ANK3: variants seen among roughly 807,000 people sequenced by gnomAD.
ANK3 encodes the protein ankyrin 3.
Under a neutral mutation model 370.9 loss-of-function variants are expected in ANK3, and 57 were observed. That is an observed-to-expected ratio of 0.15 (90% CI 0.12 to 0.19). ANK3 has a LOEUF of 0.19. Among genes scored for constraint, ANK3 ranks in the 10% least tolerant of loss-of-function variants. ANK3 has a pLI of 1.00. For missense variants in ANK3, 4,439 were observed against 5,302.1 expected, an observed-to-expected ratio of 0.84 and a Z score of 5.06; for synonymous variants, 1,929 against 1,946.3, an observed-to-expected ratio of 0.99 and a Z score of 0.23.
chr10:60,249,227 T>C (rs764803264), intron 7 of ANK3, among the ~76,000 whole-genome samples: 4 of 152,238 alleles, frequency 2.6e-5, no homozygotes, highest in Non-Finnish European at 5.9e-5. Flanking sequence ...TTACTTACTC[T>C]ACTTTGAGGA....
intron 18 of ANK3, among the ~76,000 whole-genome samples, chr10:60,179,823 T>C (rs1484318981): frequency 6.6e-6 from 1 of 152,164 alleles, no homozygotes; most frequent in Non-Finnish European, 1.5e-5. Context: ...CAGTACTTGT[T>C]TCTCTCCTCC....
intron 8 of ANK3, among the ~76,000 whole-genome samples, chr10:60,224,688 C>T (rs1192037812): frequency 6.6e-6 from 1 of 151,986 alleles, no homozygotes; most frequent in Non-Finnish European, 1.5e-5. Context: ...TAAATACAAA[C>T]TCCTCACTCT....
intron 1 of ANK3, among the ~76,000 whole-genome samples, chr10:60,710,244 A>G (rs1051951261): frequency 6.6e-6 from 1 of 152,194 alleles, no homozygotes; most frequent in Non-Finnish European, 1.5e-5. Flanking sequence ...TTAAACAGAT[A>G]CTCAACACTT....
chr10:60,284,561 T>A (rs1485119809), intron 1 of ANK3, among the ~76,000 whole-genome samples: 1 of 152,074 alleles, frequency 6.6e-6, no homozygotes, highest in Non-Finnish European at 1.5e-5. Flanking sequence ...CAAATGAGAA[T>A]TCTTAGCTCA....
intron 25 of ANK3, among the ~76,000 whole-genome samples, chr10:60,132,403 C>T (rs2094127816): frequency 6.6e-6 from 1 of 152,084 alleles, no homozygotes. Context: ...ATAAGTCTCA[C>T]AAGATCTGAT....
chr10:60,451,668 G>A (rs2064606098), intron 2 of ANK3, among the ~76,000 whole-genome samples: 1 of 152,202 alleles, frequency 6.6e-6, no homozygotes, highest in African/African-American at 2.4e-5. Context: ...AAAGAACCCA[G>A]ACCAGGGCAG....
intron 2 of ANK3, among the ~76,000 whole-genome samples, chr10:60,421,246 G>C (rs1312850475): frequency 6.6e-6 from 1 of 152,082 alleles, no homozygotes; most frequent in Non-Finnish European, 1.5e-5. Flanking sequence ...TTTGGAGATA[G>C]ATAGTAGGGA....
At position 60,073,805 on chromosome 10, in the gene ANK3, T is replaced by G. The variant is rs958966819; in HGVS notation, c.7076A>C (p.Tyr2359Ser). 6.2e-7 allele frequency: 1 copy of G among 1,613,474 alleles called. No homozygotes were observed. Among genetic ancestry groups the G allele is most frequent in the Non-Finnish European group, 8.5e-7 (1 of 1,180,000 alleles). ...ETKKHPEKEMYVYQKDLSRGD... is the reference protein window; with the variant it reads ...ETKKHPEKEMSVYQKDLSRGD... ...CCGGGATAAGTCTTTCTGATATACA[T>G]ACATTTCTTTTTCTGGATGCTTTTT... The change falls in exon 37 of 44, where the codon TAT (tyrosine) becomes TCT (serine). Residue 2359 changes from tyrosine (Y) to serine (S), a missense_variant. Physicochemically the swap from Tyr to Ser is moderately radical, Grantham distance 144 (BLOSUM62 -2). Coordinates refer to ENST00000280772, the MANE Select transcript of ANK3 (RefSeq NM_020987.5).
rs946277932 is a variant in ANK3 at position 60,029,708 on chromosome 10, A to C, written c.*138T>G. ...TCTTTTCTTTTCTTTTTGCATAAAA[A>C]AAATCATGCCATTAATGTGTGGAAG... is the stretch of plus-strand genomic sequence containing the variant. On this transcript the variant is annotated 3_prime_UTR_variant, in exon 44 of 44. Coordinates refer to ENST00000280772, the MANE Select transcript of ANK3 (RefSeq NM_020987.5). 6.6e-6 allele frequency: 1 copy of C among 152,256 alleles called. No homozygotes were observed. Among genetic ancestry groups the C allele is most frequent in the African/African-American group, 2.4e-5 (1 of 41,304 alleles). The allele number at this position is 152,256 out of a possible 1,614,324, so 9.4% of individuals were successfully genotyped here.
Position 60,500,560 on chromosome 10 carries a change from A to G in ANK3, c.96+114626T>C, listed in dbSNP as rs555067748. 1.8e-4 allele frequency among the ~76,000 whole-genome samples: 28 copies of G among 152,292 alleles called. No homozygotes were observed. The South Asian group carries it at 3.9e-3, about 21-fold the overall frequency. Reference sequence around the variant, plus strand: ...ACAGTAAGTGCAGATACTCTAAAATAACAGTTGAAAATACAGTGAGGTTTT... The same window carrying G: ...ACAGTAAGTGCAGATACTCTAAAATGACAGTTGAAAATACAGTGAGGTTTT... On this transcript the variant is annotated intron_variant, in intron 2 of 43. Transcript: ENST00000373827.
chr10:60,523,569 A>G (rs944466162), intron 2 of ANK3, among the ~76,000 whole-genome samples: 4 of 151,458 alleles, frequency 2.6e-5, no homozygotes, highest in Non-Finnish European at 4.4e-5. Context: ...AAGGACATGA[A>G]CTCATCATTT....
chr10:60,553,591 A>G (rs79479106), intron 2 of ANK3, among the ~76,000 whole-genome samples: 12,499 of 152,132 alleles, frequency 0.082, 706 homozygotes, highest in South Asian at 0.2. Flanking sequence ...CTATTACTCA[A>G]AATTATCTCT....
At chr10:60,526,549 G>A (rs1014826039) in intron 2 of ANK3, among the ~76,000 whole-genome samples, 4 of 152,098 alleles carry the variant, frequency 2.6e-5, no homozygotes, top group African/African-American at 4.8e-5. Flanking sequence ...AGTGTAATAC[G>A]CTTACCCATC....
intron 23 of ANK3, chr10:60,141,094 C>G (rs746258285): frequency 5.1e-5 from 47 of 916,796 alleles, no homozygotes; most frequent in Non-Finnish European, 6.0e-5. Flanking sequence ...AGGGCCTGCC[C>G]TTGAGTTGAG....
intron 1 of ANK3, among the ~76,000 whole-genome samples, chr10:60,670,182 C>T (rs368592226): frequency 1.3e-5 from 2 of 152,106 alleles, no homozygotes; most frequent in African/African-American, 4.8e-5. Flanking sequence ...TGACCTCCCC[C>T]CAAACAACTG....
intron 2 of ANK3, among the ~76,000 whole-genome samples, chr10:60,435,953 G>A (rs1239549773): frequency 6.6e-6 from 1 of 152,194 alleles, no homozygotes; most frequent in Non-Finnish European, 1.5e-5. Flanking sequence ...CGGGCGCAGT[G>A]GCAGGCGCCT....
rs910909566 is a variant in ANK3 at position 60,382,546 on chromosome 10, C to T, written c.114+6879G>A. Reference sequence around the variant, plus strand: ...ATGACTCCACTTTGGTCCATGAAAGCAGAATCCTGGGTGAATGGAATAAGT... The same window carrying T: ...ATGACTCCACTTTGGTCCATGAAAGTAGAATCCTGGGTGAATGGAATAAGT... On this transcript the variant is annotated intron_variant, in intron 1 of 43. Transcript: ENST00000280772. Among the ~76,000 whole-genome samples, 4 of 152,004 alleles carry T rather than the reference C, an allele frequency of 2.6e-5. No individual in the cohort carries two copies. The South Asian group carries it at 8.3e-4, about 31-fold the overall frequency.
At chr10:60,158,685 C>CTTTTTTTTCTT (rs141741941) in intron 23 of ANK3, among the ~76,000 whole-genome samples, 2 of 132,710 alleles carry the variant, frequency 1.5e-5, no homozygotes, top group African/African-American at 5.9e-5. Context: ...CACTTTTTTT[C>CTTTTTTTTCTT]TTTTTTTTGA....
At chr10:60,713,922 G>A (rs189186874) in intron 1 of ANK3, among the ~76,000 whole-genome samples, 193 of 151,744 alleles carry the variant, frequency 1.3e-3, no homozygotes, top group African/African-American at 4.3e-3. Context: ...ATTGAAAATG[G>A]GAAATCGATA....
Sources: gnomAD v4.1 joint callset for allele counts (sites outside exome capture counted in the v4.1 genomes callset) on GRCh38, gnomAD v4.1.1 for gene constraint, MANE v1.5 for transcripts, NCBI Gene and HGNC (gene_info 2026-07-23, HGNC 2026-07-21) for gene names.